Variants in FMNL3 observed in about 807,000 individuals in gnomAD.
FMNL3 encodes the protein formin-like protein 3.
In FMNL3, 57 loss-of-function variants were observed where a neutral mutation model predicts 119.6. That is an observed-to-expected ratio of 0.48 (90% confidence interval 0.39 to 0.59). The LOEUF is 0.59. FMNL3 is among the 20% of genes least tolerant of loss of function. The probability of loss-of-function intolerance (pLI) is 0.00; values close to 1 mark genes in which losing one functional copy is unlikely to be tolerated. For synonymous variants in FMNL3, 491 were observed against 507.3 expected, an observed-to-expected ratio of 0.97 and a Z score of 0.43; for missense variants, 1,053 against 1,323.5, an observed-to-expected ratio of 0.80 and a Z score of 3.17.
chr12:49,697,560 C>A (rs1002921968), intron 1 of FMNL3, among the ~76,000 whole-genome samples: 1 of 152,148 alleles, frequency 6.6e-6, no homozygotes, highest in Non-Finnish European at 1.5e-5. Flanking sequence ...GCCTAGCACT[C>A]CCAGTCAGTA....
At position 49,647,666 on chromosome 12, in the gene FMNL3, C is replaced by T. The variant is rs748565501; in HGVS notation, c.2778+37G>A. ...GCTTCTCTCCCCCAGCCAGTTTTCT[C>T]GCAACCAAACTTCTTAAAAAGCTCT... On this transcript the variant is annotated intron_variant, in intron 23 of 25. Transcript: ENST00000335154. This position sits in a 1 kb window ranked among gnomAD's most constrained non-coding sequence, Gnocchi z 4.9. The T allele has an allele frequency of 1.3e-5, 21 of 1,582,748 alleles. 1 individual carries two copies. Among genetic ancestry groups the T allele is most frequent in the South Asian group, 4.4e-5 (4 of 90,110 alleles).
chr12:49,702,306 C>G (rs905283129), intron 1 of FMNL3, among the ~76,000 whole-genome samples: 3 of 152,128 alleles, frequency 2.0e-5, no homozygotes, highest in African/African-American at 4.8e-5. Flanking sequence ...GAGCGAGACT[C>G]TGTCTTAAAT....
intron 1 of FMNL3, among the ~76,000 whole-genome samples, chr12:49,680,653 C>T (rs983053647): frequency 2.0e-5 from 3 of 152,198 alleles, no homozygotes; most frequent in African/African-American, 7.2e-5. Flanking sequence ...TTAGACTTAA[C>T]CTTTTGAGAG....
Position 49,637,483 on chromosome 12 carries a change from A to G in FMNL3, c.*8332T>C. 6.2e-7 allele frequency: 1 copy of G among 1,613,372 alleles called. No individual in the cohort carries two copies. Among genetic ancestry groups the G allele is most frequent in the Non-Finnish European group, 8.5e-7 (1 of 1,179,910 alleles). On this transcript the variant is annotated 3_prime_UTR_variant, in exon 26 of 26. Coordinates refer to ENST00000335154, the MANE Select transcript of FMNL3 (RefSeq NM_175736.5). ...CTCCCTGCTCAGACCTTCCTGGACG[A>G]GCTGCATGAGACAGGGCAGCTGCAC... is the stretch of plus-strand genomic sequence containing the variant.
intron 15 of FMNL3, 42 bp downstream of exon 15, chr12:49,651,340 C>T: frequency 6.3e-7 from 1 of 1,598,140 alleles, no homozygotes. Context: ...GACACACACC[C>T]CTGGTCCCAC....
At chr12:49,657,003 C>T in intron 7 of FMNL3, 79 bp downstream of exon 7, 1 of 1,549,238 alleles carries the variant, frequency 6.5e-7, no homozygotes, top group Non-Finnish European at 8.9e-7. Flanking sequence ...CTTTTATAAG[C>T]TGATGCCCTC....
At position 49,652,106 on chromosome 12, in the gene FMNL3, C is replaced by T; in HGVS notation, c.1430G>A (p.Gly477Asp). ...GGCCTCACTGTCCACAGACTCCAGG[C>T]CCCGGACATTTGGCTCCAAATGACA... The part of the protein sequence containing the change: ...RRCHLEPNVR[G>D]LESVDSEALA... Residue 477 changes from glycine to aspartate, a missense_variant, in exon 14 of 26, where the codon GGC becomes GAC. Physicochemically the swap from Gly to Asp is moderately conservative, Grantham distance 94. Transcript: ENST00000335154. The T allele has an allele frequency of 6.2e-7, 1 of 1,613,020 alleles. No individual in the cohort carries two copies. Among genetic ancestry groups the T allele is most frequent in the Non-Finnish European group, 8.5e-7 (1 of 1,179,584 alleles).
At chr12:49,700,425 G>C (rs1944874615) in intron 1 of FMNL3, among the ~76,000 whole-genome samples, 1 of 147,980 alleles carries the variant, frequency 6.8e-6, no homozygotes, top group Non-Finnish European at 1.5e-5. Flanking sequence ...TTTTAAAAGG[G>C]TAAGATACGC....
intron 1 of FMNL3, among the ~76,000 whole-genome samples, chr12:49,692,169 A>G (rs1944624120): frequency 6.6e-6 from 1 of 151,904 alleles, no homozygotes; most frequent in Non-Finnish European, 1.5e-5. Context: ...CCTGGGCAAC[A>G]TAGCAAGACC....
In FMNL3 at chr12:49,643,252, C is replaced by T. The variant is rs371833248; in HGVS notation, c.*2563G>A. The T allele has an allele frequency of 6.8e-6, 11 of 1,613,936 alleles. No homozygotes were observed. The highest frequency in any genetic ancestry group is 1.7e-5 in the Admixed American group (1 of 59,984). On this transcript the variant is annotated 3_prime_UTR_variant, in exon 26 of 26. Transcript: ENST00000335154. ...CTGAGTCAGAAGAAGAGGAGCTGCC[C>T]CCACCATCTCTCCGGCCCCCCAAGC...
chr12:49,697,788 T>C (rs1944790850), intron 1 of FMNL3, among the ~76,000 whole-genome samples: 1 of 152,128 alleles, frequency 6.6e-6, no homozygotes, highest in African/African-American at 2.4e-5. Flanking sequence ...ATAGGTATTA[T>C]CCTCACACGT....
intron 1 of FMNL3, among the ~76,000 whole-genome samples, chr12:49,691,436 C>T (rs750723771): frequency 7.9e-5 from 12 of 152,064 alleles, no homozygotes; most frequent in African/African-American, 1.2e-4. Flanking sequence ...ACTTCTAGGG[C>T]TATGGCTGTG....
At chr12:49,646,739 G>C in intron 25 of FMNL3, 147 bp downstream of exon 25, 1 of 1,579,786 alleles carries the variant, frequency 6.3e-7, no homozygotes, top group South Asian at 1.1e-5. Flanking sequence ...GCCGTGAAAG[G>C]GACACTCTTC....
In FMNL3 at chr12:49,640,030, C is replaced by A. The variant is rs1942395520; in HGVS notation, c.*5785G>T. ...ACTGAGTCCTGTCTCTCCACACAAC[C>A]TGAGAAAGCAACTTTTTTAGACAGT... On this transcript the variant is annotated 3_prime_UTR_variant, in exon 26 of 26. Transcript: ENST00000335154. 6.6e-6 allele frequency: 1 copy of A among 152,244 alleles called. No homozygotes were observed. The highest frequency in any genetic ancestry group is 6.5e-5 in the Admixed American group (1 of 15,290). The allele number at this position is 152,244 out of a possible 1,614,324, so 9.4% of individuals were successfully genotyped here. A position where few individuals can be genotyped will look rare whatever the true frequency, so the allele number is the denominator to read the frequency against.
intron 1 of FMNL3, among the ~76,000 whole-genome samples, chr12:49,679,849 T>C (rs983898400): frequency 6.6e-6 from 1 of 152,194 alleles, no homozygotes; most frequent in Admixed American, 6.5e-5. Context: ...TACCATGCAC[T>C]GCGCCAACTG....
intron 13 of FMNL3, 123 bp downstream of exon 13, chr12:49,653,103 C>T (rs896619657): frequency 1.2e-5 from 11 of 913,456 alleles, no homozygotes; most frequent in African/African-American, 6.5e-5. Context: ...CACCTGAGTA[C>T]CTCAAGGGTG....
At chr12:49,695,030 T>TA (rs372615488) in intron 1 of FMNL3, among the ~76,000 whole-genome samples, 11,612 of 144,982 alleles carry the variant, frequency 0.08, 484 homozygotes, top group Non-Finnish European at 0.09. Flanking sequence ...ATTATCCTTG[T>TA]AAAAAAAAAA....
rs976740772 is a variant in FMNL3 at position 49,707,280 on chromosome 12, C to T, written c.-100G>A. On this transcript the variant is annotated 5_prime_UTR_variant, in exon 1 of 26. Transcript: ENST00000335154. Reference sequence around the variant, plus strand: ...AGGCTCCTCCCTCAGCGCCGGCTCCCCGAGTCCCGACTCCTCGGCCCCGTC... The same window carrying T: ...AGGCTCCTCCCTCAGCGCCGGCTCCTCGAGTCCCGACTCCTCGGCCCCGTC... The T allele has an allele frequency of 8.4e-7, 1 of 1,193,142 alleles. No homozygotes were observed. The highest frequency in any genetic ancestry group is 1.6e-5 in the African/African-American group (1 of 61,764). 73.9% of individuals were successfully genotyped at this position (1,193,142 alleles called of 1,614,324 possible).
At chr12:49,673,660 C>T (rs1003625232) in intron 1 of FMNL3, among the ~76,000 whole-genome samples, 1 of 152,268 alleles carries the variant, frequency 6.6e-6, no homozygotes, top group Non-Finnish European at 1.5e-5. Context: ...CCAGTCCTGC[C>T]GCAGTAGCAG....
Sources: allele counts gnomAD v4.1 joint callset (sites outside exome capture counted in the v4.1 genomes callset), GRCh38; gene constraint gnomAD v4.1.1; non-coding constraint Gnocchi (gnomAD v3.1); transcripts MANE v1.5; gene names NCBI Gene and HGNC (gene_info 2026-07-23, HGNC 2026-07-21).